The following TFRC variants were observed in gnomAD, a reference collection of about 807,000 sequenced individuals.
The protein encoded by TFRC is transferrin receptor protein 1.
A neutral mutation model predicts 85.8 loss-of-function variants in TFRC; 35 were observed. That is an observed-to-expected ratio of 0.41 (90% CI 0.31 to 0.54). The LOEUF (loss-of-function observed/expected upper bound fraction) is 0.54. TFRC is among the 20% of genes least tolerant of loss of function. The pLI is 0.31. For synonymous variants in TFRC, 362 were observed against 328.6 expected, an observed-to-expected ratio of 1.10 and a Z score of -1.10; for missense variants, 828 against 921.5, an observed-to-expected ratio of 0.90 and a Z score of 1.31.
chr3:196,049,808 A>T lies in TFRC; in HGVS notation c.*2134T>A, dbSNP rs1218330866. 1 of 230,412 alleles carries T rather than the reference A, an allele frequency of 4.3e-6. No homozygotes were observed. Among genetic ancestry groups the T allele is most frequent in the Non-Finnish European group, 8.6e-6 (1 of 116,352 alleles). 14.3% of individuals were successfully genotyped at this position (230,412 alleles called of 1,614,324 possible). On this transcript the variant is annotated 3_prime_UTR_variant, in exon 19 of 19. Coordinates refer to ENST00000360110, the MANE Select transcript of TFRC (RefSeq NM_001128148.3). Reference sequence around the variant, plus strand: ...AGTCCAAGATAAAAGAGGAGATTAAAGATAAAACTGAAGATTAAAGAGACT... The same window carrying T: ...AGTCCAAGATAAAAGAGGAGATTAATGATAAAACTGAAGATTAAAGAGACT...
Position 196,050,099 on chromosome 3 carries a change from A to G in TFRC, c.*1843T>C. Reference sequence around the variant, plus strand: ...CACAGCCCCCAAACCTTCTATACAAAGTCCCTCTGCTTTAAGTCAAAAGGT... The same window carrying G: ...CACAGCCCCCAAACCTTCTATACAAGGTCCCTCTGCTTTAAGTCAAAAGGT... On this transcript the variant is annotated 3_prime_UTR_variant, in exon 19 of 19. Coordinates refer to ENST00000360110, the MANE Select transcript of TFRC (RefSeq NM_001128148.3). The G allele has an allele frequency of 4.3e-6, 1 of 231,572 alleles. No homozygotes were observed. The allele number at this position is 231,572 out of a possible 1,614,324, so 14.3% of individuals were successfully genotyped here. A position where few individuals can be genotyped will look rare whatever the true frequency, so the allele number is the denominator to read the frequency against.
chr3:196,055,475 G>A (rs1716703497), intron 16 of TFRC, 174 bp from the exon 17 acceptor site: 1 of 620,352 alleles, frequency 1.6e-6, no homozygotes. Flanking sequence ...GTACATTCTT[G>A]CTACTTCTCT....
intron 2 of TFRC, 75 bp from the exon 3 acceptor site, chr3:196,075,435 G>T: frequency 1.4e-6 from 2 of 1,400,436 alleles, no homozygotes; most frequent in Non-Finnish European, 2.0e-6. Flanking sequence ...GTATATGCTT[G>T]TTATTGGGCC....
intron 10 of TFRC, 33 bp downstream of exon 10, chr3:196,065,410 A>AG: frequency 1.2e-6 from 1 of 850,068 alleles, no homozygotes; most frequent in Non-Finnish European, 1.5e-6. Context: ...ACAAAAAAAA[A>AG]GCGGGGCGGG....
At chr3:196,058,186 T>C (rs1716971989) in intron 16 of TFRC, 98 bp downstream of exon 16, 13 of 929,728 alleles carry the variant, frequency 1.4e-5, no homozygotes, top group Non-Finnish European at 1.7e-5. Context: ...TAGTTGACTA[T>C]AGCACAGGCA....
At position 196,065,437 on chromosome 3, in the gene TFRC, CT is replaced by C. The variant is rs1717652439; in HGVS notation, c.1198+5del. The C allele has an allele frequency of 2.1e-6, 1 of 473,306 alleles. No homozygotes were observed. 29.3% of individuals were successfully genotyped at this position (473,306 alleles called of 1,614,324 possible). A position where few individuals can be genotyped will look rare whatever the true frequency, so the allele number is the denominator to read the frequency against. On this transcript the variant is annotated splice_donor_5th_base_variant and intron_variant, in intron 10 of 18. Transcript: ENST00000360110. ...CGGGGCGGGGGGGGGGGGGGGCGGT[CT>C]TTACCTGGTTCTACAAAGCCTTTAA... is the stretch of plus-strand genomic sequence containing the variant.
At chr3:196,053,615 T>A in intron 17 of TFRC, 57 bp from the exon 18 acceptor site, 16 of 1,598,730 alleles carry the variant, frequency 1.0e-5, no homozygotes, top group Non-Finnish European at 1.3e-5. Flanking sequence ...TTCTTTTGTA[T>A]GCCTTTCTAA....
chr3:196,075,071 G>GAA, intron 3 of TFRC, 88 bp downstream of exon 3: 3 of 888,690 alleles, frequency 3.4e-6, no homozygotes, highest in South Asian at 1.7e-5. Flanking sequence ...AAAAAATAAG[G>GAA]TACAAAATAA....
chr3:196,071,535 ATCCT>A, intron 5 of TFRC, 37 bp from the exon 6 acceptor site: 2 of 1,594,102 alleles, frequency 1.3e-6, no homozygotes, highest in Non-Finnish European at 1.7e-6. Flanking sequence ...GCCTAAGGTC[ATCCT>A]TCCAAAAAAC....
chr3:196,076,955 GA>G (rs1376916848), intron 2 of TFRC, 108 bp downstream of exon 2: 5 of 1,030,408 alleles, frequency 4.9e-6, no homozygotes, highest in Non-Finnish European at 7.4e-6. Context: ...AAATGTAAAT[GA>G]ATACCTGATA....
chr3:196,075,760 A>C (rs1204694027), intron 2 of TFRC, among the ~76,000 whole-genome samples: 1 of 152,028 alleles, frequency 6.6e-6, no homozygotes, highest in African/African-American at 2.4e-5. Context: ...TGTTGGTGGG[A>C]GCAAGGGAGC....
At chr3:196,057,295 T>C (rs1159181511) in intron 16 of TFRC, among the ~76,000 whole-genome samples, 1 of 152,156 alleles carries the variant, frequency 6.6e-6, no homozygotes, top group Non-Finnish European at 1.5e-5. Context: ...AATCCCGTCC[T>C]GTTCTGTTCT....
chr3:196,061,792 A>G (rs1252918809), intron 13 of TFRC, among the ~76,000 whole-genome samples: 1 of 152,100 alleles, frequency 6.6e-6, no homozygotes, highest in Non-Finnish European at 1.5e-5. Flanking sequence ...CCCAGCCCAA[A>G]AAGCCCAGTT....
chr3:196,050,773 C>CA lies in TFRC; in HGVS notation c.*1168_*1169insT, dbSNP rs1171835590. 100 of 204,130 alleles carry CA rather than the reference C, an allele frequency of 4.9e-4. 1 individual carries two copies. The East Asian group carries it at 7.5e-3, about 15-fold the overall frequency. 12.6% of individuals were successfully genotyped at this position (204,130 alleles called of 1,614,324 possible). On this transcript the variant is annotated 3_prime_UTR_variant, in exon 19 of 19. Coordinates refer to ENST00000360110, the MANE Select transcript of TFRC (RefSeq NM_001128148.3). ...CATTTAGGAAAACCAGCATTCTTAT[C>CA]TGGTCAGTGCTCGCTTCTTAGCAAC...
At chr3:196,053,367 T>C (rs1490821903) in intron 18 of TFRC, 51 bp downstream of exon 18, 19 of 1,601,102 alleles carry the variant, frequency 1.2e-5, no homozygotes, top group South Asian at 5.5e-5. Context: ...GTAAGATTTA[T>C]CGGTTATTTT....
chr3:196,070,158 C>T lies in TFRC; in HGVS notation c.688-590G>A, dbSNP rs1048559185. Among the ~76,000 whole-genome samples, 9 of 152,236 alleles carry T rather than the reference C, an allele frequency of 5.9e-5. 1 individual carries two copies. The highest frequency in any genetic ancestry group is 4.6e-4 in the Admixed American group (7 of 15,290). On this transcript the variant is annotated intron_variant, in intron 6 of 18. Coordinates refer to ENST00000360110, the MANE Select transcript of TFRC (RefSeq NM_001128148.3). The stretch of plus-strand genomic sequence containing the variant: ...CTCTAAACTCCTGGCTTATAGGCAG[C>T]CAGGCAAAGGGATAAAGCACAAGTA...
intron 1 of TFRC, among the ~76,000 whole-genome samples, chr3:196,079,027 C>G (rs972609184): frequency 6.6e-6 from 1 of 152,054 alleles, no homozygotes. Flanking sequence ...ACCCACCTGG[C>G]CTCCCAAAGT....
At chr3:196,078,459 C>A (rs770635712) in intron 1 of TFRC, among the ~76,000 whole-genome samples, 7 of 152,092 alleles carry the variant, frequency 4.6e-5, no homozygotes, top group Non-Finnish European at 7.3e-5. Flanking sequence ...GAGTTTGAGA[C>A]CAGCCTGGCC....
At chr3:196,056,684 A>G (rs1577220031) in intron 16 of TFRC, among the ~76,000 whole-genome samples, 1 of 152,214 alleles carries the variant, frequency 6.6e-6, no homozygotes, top group African/African-American at 2.4e-5. Context: ...TACAGGTATG[A>G]CCCACCACAC....
Sources: allele counts gnomAD v4.1 joint callset (sites outside exome capture counted in the v4.1 genomes callset), GRCh38; gene constraint gnomAD v4.1.1; transcripts MANE v1.5; gene names NCBI Gene and HGNC (gene_info 2026-07-23, HGNC 2026-07-21).